The following GON4L variants were observed in gnomAD, a reference collection of about 807,000 sequenced individuals.
GON4L encodes the protein gon-4 like.
Under a neutral mutation model 211.8 loss-of-function variants are expected in GON4L, and 87 were observed. The ratio of observed to expected loss-of-function variants is 0.41; its 90% CI spans 0.35 to 0.49. GON4L has a LOEUF of 0.49. Ranked by LOEUF, GON4L falls within the 20% of genes least tolerant of loss-of-function variation. GON4L has a pLI of 0.15. For synonymous variants in GON4L, 875 were observed against 962.6 expected (o/e 0.91, Z 1.68); for missense variants, 2,155 against 2,659.5 (o/e 0.81, Z 4.17).
At chr1:155,760,365 A>G in intron 24 of GON4L, 79 bp downstream of exon 24, 1 of 836,138 alleles carries the variant, frequency 1.2e-6, no homozygotes, top group South Asian at 1.7e-5. Context: ...AGACTGAAAG[A>G]GTCTTATTCA....
At position 155,753,250 on chromosome 1, in the gene GON4L, C is replaced by G; in HGVS notation, c.5796G>C (p.Gln1932His). ...TTCTGGTGGTCCTGACAGTCCTGCTCTGGGTGGCCTCAGTGCTCTCCCGCT... is the reference window on the plus strand; with the variant it reads ...TTCTGGTGGTCCTGACAGTCCTGCTGTGGGTGGCCTCAGTGCTCTCCCGCT... The part of the protein sequence containing the change: ...PEERESTEAT[Q>H]SRTVRTTRKG... The change falls in exon 29 of 32, where the codon CAG (glutamine) becomes CAC (histidine). Residue 1932 changes from glutamine (Q) to histidine (H), a missense_variant. Gln to His is a conservative substitution (Grantham distance 24). Coordinates refer to ENST00000368331, the MANE Select transcript of GON4L (RefSeq NM_001282860.2). 1.2e-6 allele frequency: 2 copies of G among 1,605,422 alleles called. No individual in the cohort carries two copies. The highest frequency in any genetic ancestry group is 1.7e-6 in the Non-Finnish European group (2 of 1,176,206).
At chr1:155,758,837 CCACTG>C (rs1661462276) in intron 24 of GON4L, among the ~76,000 whole-genome samples, 1 of 152,196 alleles carries the variant, frequency 6.6e-6, no homozygotes, top group Non-Finnish European at 1.5e-5. Flanking sequence ...AGAGATCACA[CCACTG>C]CACTCCAGCC....
chr1:155,772,202 A>G (rs1157251374), intron 18 of GON4L, among the ~76,000 whole-genome samples: 1 of 152,146 alleles, frequency 6.6e-6, no homozygotes, highest in East Asian at 1.9e-4. Flanking sequence ...ATAAGAAACT[A>G]GGCATAAATC....
chr1:155,825,697 G>A (rs1156276213), intron 3 of GON4L, among the ~76,000 whole-genome samples: 2 of 152,002 alleles, frequency 1.3e-5, no homozygotes, highest in Non-Finnish European at 2.9e-5. Flanking sequence ...AGCAGTTTGA[G>A]ACCAGCCTGG....
chr1:155,836,721 T>A (rs1670354755), intron 2 of GON4L, among the ~76,000 whole-genome samples: 1 of 152,242 alleles, frequency 6.6e-6, no homozygotes, highest in South Asian at 2.1e-4. Flanking sequence ...CCTTTGTAAT[T>A]TACTTTGTCA....
intron 11 of GON4L, among the ~76,000 whole-genome samples, chr1:155,802,736 G>A (rs755433165): frequency 2.0e-5 from 3 of 152,140 alleles, no homozygotes; most frequent in Non-Finnish European, 4.4e-5. Context: ...CAGGAGGATC[G>A]CTTGAGCGCA....
In GON4L at chr1:155,766,394, G is replaced by A; in HGVS notation, c.3079C>T (p.His1027Tyr). 1 of 1,614,172 alleles carries A rather than the reference G, an allele frequency of 6.2e-7. No homozygotes were observed. Among genetic ancestry groups the A allele is most frequent in the Non-Finnish European group, 8.5e-7 (1 of 1,180,034 alleles). ...NPGKTPARST[H>Y]SEAPPSKMVL... ...ATTTTGCTCGGAGGGGCTTCTGAATGAGTTGATCGGGCTGGTGTTTTCCCA... is the reference window on the plus strand; with the variant it reads ...ATTTTGCTCGGAGGGGCTTCTGAATAAGTTGATCGGGCTGGTGTTTTCCCA... Residue 1027 changes from histidine to tyrosine, a missense_variant, in exon 21 of 32, where the codon CAT becomes TAT. Physicochemically the swap from His to Tyr is moderately conservative, Grantham distance 83. This residue lies in a region of GON4L where 615 missense variants were observed against 625.7 expected (regional missense o/e 0.98). Transcript: ENST00000368331.
intron 9 of GON4L, 62 bp from the exon 10 acceptor site, chr1:155,813,866 A>G (rs1668002971): frequency 5.8e-6 from 8 of 1,386,008 alleles, no homozygotes; most frequent in Non-Finnish European, 8.1e-6. Flanking sequence ...AGAAAGCAAA[A>G]AAAGGAAAAA....
chr1:155,782,542 TA>T (rs1664521890), intron 14 of GON4L, among the ~76,000 whole-genome samples: 1 of 152,240 alleles, frequency 6.6e-6, no homozygotes. Flanking sequence ...TGAAATCGTT[TA>T]ATGATAACAT....
At chr1:155,791,491 GAAAA>G (rs77118374) in intron 12 of GON4L, among the ~76,000 whole-genome samples, 1 of 128,192 alleles carries the variant, frequency 7.8e-6, no homozygotes, top group African/African-American at 2.9e-5. Flanking sequence ...TTTGCATAGG[GAAAA>G]AAAAAAAAAA....
At chr1:155,851,335 C>G (rs898052498) in intron 2 of GON4L, among the ~76,000 whole-genome samples, 1 of 150,890 alleles carries the variant, frequency 6.6e-6, no homozygotes, top group Non-Finnish European at 1.5e-5. Flanking sequence ...GCCTGGGCGA[C>G]AGAGCCAGAC....
chr1:155,754,520 A>ATTTTTT, intron 27 of GON4L, 32 bp from the exon 28 acceptor site: 1 of 783,556 alleles, frequency 1.3e-6, no homozygotes, highest in Non-Finnish European at 2.1e-6. Flanking sequence ...TTAGCTGCCA[A>ATTTTTT]GTTGTTTTTT....
intron 11 of GON4L, among the ~76,000 whole-genome samples, chr1:155,804,185 C>A (rs1314980846): frequency 6.6e-6 from 1 of 151,614 alleles, no homozygotes; most frequent in Admixed American, 6.6e-5. Flanking sequence ...AGTTTAAGAC[C>A]AGCCTGAGCA....
rs1229998797 is a variant in GON4L, at chr1:155,752,156, G to C, written c.6277C>G (p.Pro2093Ala). The C allele has an allele frequency of 6.2e-7, 1 of 1,613,572 alleles. No homozygotes were observed. The highest frequency in any genetic ancestry group is 8.5e-7 in the Non-Finnish European group (1 of 1,179,578). ...ATTCCTGATGGAGATTCATGGACAG[G>C]GCACGTCCTGTCTCTTGTCTTCACC... is the stretch of plus-strand genomic sequence containing the variant. ...ARVKTRDRTC[P>A]VHESPSGIDT... The change falls in exon 30 of 32, where the codon CCT becomes GCT. Residue 2093 changes from proline to alanine, a missense_variant. Pro to Ala is a conservative substitution (Grantham distance 27, BLOSUM62 -1). Coordinates refer to ENST00000368331, the MANE Select transcript of GON4L (RefSeq NM_001282860.2).
At chr1:155,816,773 T>TTAAAAAAAA (rs377228820) in intron 6 of GON4L, among the ~76,000 whole-genome samples, 1 of 78,084 alleles carries the variant, frequency 1.3e-5, no homozygotes, top group Admixed American at 2.0e-4. Context: ...TTTTTTTTCT[T>TTAAAAAAAA]AAAAAAAAAA....
rs747481439 is a variant in GON4L at position 155,826,994 on chromosome 1, A to T, written c.540T>A (p.Pro180=). The change falls in exon 3 of 32, where the codon CCT becomes CCA. Residue 180 remains proline (P), a synonymous_variant. Transcript: ENST00000368331. ...KPQMNSEGEI[P]SLPSGSQSAK... Reference sequence around the variant, plus strand: ...CAGATTGGCTGCCTGATGGCAGGGAAGGTATCTCCCCTTCAGAATTCATTT... The same window carrying T: ...CAGATTGGCTGCCTGATGGCAGGGATGGTATCTCCCCTTCAGAATTCATTT... 2 of 1,613,934 alleles carry T rather than the reference A, an allele frequency of 1.2e-6. No individual in the cohort carries two copies. Among genetic ancestry groups the T allele is most frequent in the African/African-American group, 2.7e-5 (2 of 75,046 alleles).
Position 155,775,142 on chromosome 1 carries a change from A to G in GON4L, c.2210T>C (p.Ile737Thr), listed in dbSNP as rs780902477. The change falls in exon 17 of 32, where the codon ATC (isoleucine) becomes ACC (threonine). Residue 737 changes from isoleucine (I) to threonine (T), a missense_variant. Ile to Thr is a moderately conservative substitution (Grantham distance 89). Around this residue, in one of 6 missense-constraint regions of GON4L, gnomAD observed 551 missense variants for 854.0 expected, o/e 0.65. Transcript: ENST00000368331. ...GGGGTTGTACTGATGGTGAAGGGCG[A>G]TGGAGCTTTGAGCAAAGGTTCCCAG... ...KELGTFAQSS[I>T]ALHHQYNPKF... 6.2e-7 allele frequency: 1 copy of G among 1,614,186 alleles called. No homozygotes were observed. Among genetic ancestry groups the G allele is most frequent in the Non-Finnish European group, 8.5e-7 (1 of 1,180,040 alleles).
intron 12 of GON4L, among the ~76,000 whole-genome samples, chr1:155,792,715 A>G (rs1371256669): frequency 1.3e-5 from 2 of 152,260 alleles, no homozygotes; most frequent in East Asian, 3.9e-4. Flanking sequence ...CTTTAAGCAG[A>G]TGTTTCTTTA....
chr1:155,778,221 CT>C (rs554854754), intron 14 of GON4L, among the ~76,000 whole-genome samples: 138 of 152,186 alleles, frequency 9.1e-4, no homozygotes, highest in African/African-American at 3.3e-3. Context: ...TCCCTATCCA[CT>C]CAGGCTGCAC....
Sources: allele counts gnomAD v4.1 joint callset (sites outside exome capture counted in the v4.1 genomes callset), GRCh38; gene constraint gnomAD v4.1.1; regional missense constraint gnomAD v4.1.1; transcripts MANE v1.5; gene names NCBI Gene and HGNC (gene_info 2026-07-23, HGNC 2026-07-21).